The following REDIC1 variants were observed in gnomAD, a reference collection of about 807,000 sequenced individuals.
The protein encoded by REDIC1 is HEI10 Interacting Protein 1.
the REDIC1 span, among the ~76,000 whole-genome samples, chr12:39,860,991 C>T: frequency 6.6e-6 from 1 of 152,222 alleles, no homozygotes; most frequent in South Asian, 2.1e-4. Flanking sequence ...TGAGGCTCTA[C>T]ATGATTTGGC....
chr12:39,696,361 G>A, the REDIC1 span, among the ~76,000 whole-genome samples: 2 of 150,924 alleles, frequency 1.3e-5, no homozygotes, highest in Middle Eastern at 3.4e-3. Context: ...GGCTAAAACG[G>A]TGAAACCCCG....
the REDIC1 span, among the ~76,000 whole-genome samples, chr12:39,895,785 C>T: frequency 0.039 from 383 of 9,850 alleles, 120 homozygotes; most frequent in African/African-American, 0.051. Flanking sequence ...TGCGTGTATA[C>T]GTACACACAT....
the REDIC1 span, among the ~76,000 whole-genome samples, chr12:39,711,194 T>A: frequency 6.6e-6 from 1 of 151,142 alleles, no homozygotes; most frequent in Non-Finnish European, 1.5e-5. Flanking sequence ...ATGCTGTTAA[T>A]TCCTTCCTTT....
chr12:39,718,399 A>T, the REDIC1 span, among the ~76,000 whole-genome samples: 1 of 152,160 alleles, frequency 6.6e-6, no homozygotes, highest in Non-Finnish European at 1.5e-5. Context: ...CCTTACTGGC[A>T]AAGCACTTAC....
the REDIC1 span, among the ~76,000 whole-genome samples, chr12:39,661,287 T>G: frequency 2.3e-4 from 35 of 152,108 alleles, no homozygotes; most frequent in African/African-American, 7.7e-4. Context: ...TGTATGAGAG[T>G]TCTCTTTTCT....
the REDIC1 span, among the ~76,000 whole-genome samples, chr12:39,825,957 T>G: frequency 6.6e-6 from 1 of 152,202 alleles, no homozygotes; most frequent in Non-Finnish European, 1.5e-5. Flanking sequence ...GTGTTTTGTT[T>G]ATTTTAGTTT....
chr12:39,686,821 T>C, the REDIC1 span, among the ~76,000 whole-genome samples: 1 of 152,342 alleles, frequency 6.6e-6, no homozygotes, highest in African/African-American at 2.4e-5. Flanking sequence ...TGCTCACACA[T>C]ATGAACATAG....
the REDIC1 span, among the ~76,000 whole-genome samples, chr12:39,808,383 C>T: frequency 6.6e-6 from 1 of 152,066 alleles, no homozygotes; most frequent in Non-Finnish European, 1.5e-5. Flanking sequence ...CCAATTTTGT[C>T]CATTATGAAT....
the REDIC1 span, among the ~76,000 whole-genome samples, chr12:39,712,973 GTATATA>G: frequency 5.2e-5 from 1 of 19,296 alleles, no homozygotes; most frequent in Non-Finnish European, 1.1e-4. Context: ...ACGTGTATAT[GTATATA>G]TACATGTGTA....
the REDIC1 span, among the ~76,000 whole-genome samples, chr12:39,768,495 A>G: frequency 6.6e-6 from 1 of 152,076 alleles, no homozygotes; most frequent in Admixed American, 6.6e-5. Context: ...CTAGCTTTTG[A>G]TTTAAAGTGA....
chr12:39,741,340 A>T, the REDIC1 span, among the ~76,000 whole-genome samples: 1 of 152,164 alleles, frequency 6.6e-6, no homozygotes, highest in Admixed American at 6.5e-5. Context: ...AATCCTGGGG[A>T]TGGACAAGAA....
At chr12:39,766,255 C>T in the REDIC1 span, among the ~76,000 whole-genome samples, 1 of 152,052 alleles carries the variant, frequency 6.6e-6, no homozygotes, top group Non-Finnish European at 1.5e-5. Context: ...GGAGATATTG[C>T]GAGGTCAGTT....
the REDIC1 span, among the ~76,000 whole-genome samples, chr12:39,761,408 A>G: frequency 6.6e-6 from 1 of 152,086 alleles, no homozygotes; most frequent in African/African-American, 2.4e-5. Flanking sequence ...GCTTTGCCCA[A>G]CTGTAAAGAA....
the REDIC1 span, chr12:39,758,871 A>G: frequency 3.4e-4 from 52 of 152,078 alleles, no homozygotes; most frequent in Non-Finnish European, 5.9e-4. Flanking sequence ...TAAAGTAAAA[A>G]AAGACAAGTA....
At chr12:39,863,218 C>G in the REDIC1 span, among the ~76,000 whole-genome samples, 1 of 152,028 alleles carries the variant, frequency 6.6e-6, no homozygotes. Flanking sequence ...ATGATAATAC[C>G]TTACATCATA....
chr12:39,730,983 G>A, the REDIC1 span, among the ~76,000 whole-genome samples: 1 of 152,044 alleles, frequency 6.6e-6, no homozygotes, highest in African/African-American at 2.4e-5. Context: ...AAGTTCTTGT[G>A]CTGTGTTTTT....
the REDIC1 span, among the ~76,000 whole-genome samples, chr12:39,843,208 C>T: frequency 6.6e-6 from 1 of 151,948 alleles, no homozygotes; most frequent in East Asian, 1.9e-4. Context: ...CTGACAGACT[C>T]GTTTGTGCAC....
At chr12:39,720,437 C>G in the REDIC1 span, among the ~76,000 whole-genome samples, 1 of 152,036 alleles carries the variant, frequency 6.6e-6, no homozygotes, top group Non-Finnish European at 1.5e-5. Context: ...AGGAAGTATG[C>G]TGCATATCAT....
At chr12:39,737,394 T>C in the REDIC1 span, among the ~76,000 whole-genome samples, 1 of 152,242 alleles carries the variant, frequency 6.6e-6, no homozygotes, top group Non-Finnish European at 1.5e-5. Context: ...TTTTACCTCA[T>C]GGCCTGATGA....
Sources: gnomAD v4.1 joint callset for allele counts (sites outside exome capture counted in the v4.1 genomes callset) on GRCh38, gnomAD v4.1.1 for gene constraint, MANE v1.5 for transcripts, NCBI Gene and HGNC (gene_info 2026-07-23, HGNC 2026-07-21) for gene names.